The following LOXL3 variants were observed in gnomAD, a reference collection of about 807,000 sequenced individuals.
The protein encoded by LOXL3 is lysyl oxidase homolog 3.
In LOXL3, 60 loss-of-function variants were observed where a neutral mutation model predicts 91.8. The observed-to-expected ratio is 0.65, with a 90% CI of 0.53 to 0.81. The LOEUF (loss-of-function observed/expected upper bound fraction) is 0.81. Among genes scored for constraint, LOXL3 ranks in the 30% least tolerant of loss-of-function variants. The pLI is 0.00. For missense variants in LOXL3, 874 were observed against 1,000.4 expected (o/e 0.87, Z 1.70); for synonymous variants, 355 against 387.6 (o/e 0.92, Z 0.99).
chr2:74,542,658 A>C (rs1247468947), intron 4 of LOXL3, among the ~76,000 whole-genome samples: 3 of 145,484 alleles, frequency 2.1e-5, no homozygotes, highest in Non-Finnish European at 4.5e-5. Flanking sequence ...CAGAGTCTCG[A>C]TCTGTCACTC....
chr2:74,549,866 C>T lies in LOXL3; in HGVS notation c.478-283G>A. ...AGGGAGCACTTCAAAAAGGAAATGGCTTTGAAGGAGGAGAAAGTCAGAAGG... is the reference window on the plus strand; with the variant it reads ...AGGGAGCACTTCAAAAAGGAAATGGTTTTGAAGGAGGAGAAAGTCAGAAGG... On this transcript the variant is annotated intron_variant, in intron 3 of 13. Transcript: ENST00000264094. This position sits in a 1 kb window ranked among gnomAD's most constrained non-coding sequence, Gnocchi z 5.3. 1 of 985,412 alleles carries T rather than the reference C, an allele frequency of 1.0e-6. No homozygotes were observed. Among genetic ancestry groups the T allele is most frequent in the Middle Eastern group, 5.2e-4 (1 of 1,914 alleles). The allele number at this position is 985,412 out of a possible 1,614,324, so 61.0% of individuals were successfully genotyped here. A position where few individuals can be genotyped will look rare whatever the true frequency, so the allele number is the denominator to read the frequency against.
chr2:74,543,247 G>T (rs967548150), intron 4 of LOXL3, among the ~76,000 whole-genome samples: 1 of 152,074 alleles, frequency 6.6e-6, no homozygotes, highest in African/African-American at 2.4e-5. Flanking sequence ...CCCCTATCTG[G>T]TCATTAAAAT....
chr2:74,538,672 G>A (rs1042824161), intron 4 of LOXL3, among the ~76,000 whole-genome samples: 4 of 152,154 alleles, frequency 2.6e-5, no homozygotes, highest in African/African-American at 7.2e-5. Context: ...CAAAGGGGAC[G>A]CTGAGTTTCC....
At chr2:74,537,647 TGTAA>T (rs1004559090) in intron 4 of LOXL3, among the ~76,000 whole-genome samples, 36 of 152,342 alleles carry the variant, frequency 2.4e-4, no homozygotes, top group African/African-American at 8.7e-4. Context: ...ACCTGTGCTG[TGTAA>T]GTCTTTAAAA....
At position 74,535,909 on chromosome 2, in the gene LOXL3, T is replaced by C; in HGVS notation, c.1248+87A>G. ...GCAGGAGGGCAGGGGCCTGGGGCAA[T>C]GGGCTGGGGGCCATTGGACTGTAGA... is the stretch of plus-strand genomic sequence containing the variant. On this transcript the variant is annotated intron_variant, in intron 7 of 13. Transcript: ENST00000264094. This position sits in a 1 kb window ranked among gnomAD's most constrained non-coding sequence, Gnocchi z 4.2. 6.7e-7 allele frequency: 1 copy of C among 1,495,548 alleles called. No homozygotes were observed. Among genetic ancestry groups the C allele is most frequent in the Non-Finnish European group, 8.9e-7 (1 of 1,124,084 alleles). The allele number at this position is 1,495,548 out of a possible 1,614,324, so 92.6% of individuals were successfully genotyped here. A position where few individuals can be genotyped will look rare whatever the true frequency, so the allele number is the denominator to read the frequency against.
At position 74,549,394 on chromosome 2, in the gene LOXL3, T is replaced by G; in HGVS notation, c.667A>C (p.Lys223Gln). The change falls in exon 4 of 14, where the codon AAG becomes CAG. Residue 223 changes from lysine to glutamine, a missense_variant. Physicochemically the swap from Lys to Gln is moderately conservative, Grantham distance 53. Transcript: ENST00000264094. This position sits in a 1 kb window ranked among gnomAD's most constrained non-coding sequence, Gnocchi z 5.3. ...CTGTAGAAGGCCGCGTTGACCCTCT[T>G]TTCGCTGGGGAAGCCCAGCATCCCG... ...VCGMLGFPSEKRVNAAFYRLL... is the reference protein window; with the variant it reads ...VCGMLGFPSEQRVNAAFYRLL... The G allele has an allele frequency of 6.2e-7, 1 of 1,610,142 alleles. No homozygotes were observed. The highest frequency in any genetic ancestry group is 2.2e-5 in the East Asian group (1 of 44,694).
chr2:74,534,247 T>G lies in LOXL3; in HGVS notation c.1940-11A>C, dbSNP rs1558616731. 6.2e-7 allele frequency: 1 copy of G among 1,614,230 alleles called. No homozygotes were observed. Among genetic ancestry groups the G allele is most frequent in the East Asian group, 2.2e-5 (1 of 44,892 alleles). ...ACCGCTTGGAGACATCTGGAGGGAT[T>G]GGCATATGTCAGTGTAAGGAAAGGC... On this transcript the variant is annotated splice_polypyrimidine_tract_variant and intron_variant, in intron 11 of 13. Transcript: ENST00000264094.
chr2:74,539,176 CA>C (rs1676180013), intron 4 of LOXL3, among the ~76,000 whole-genome samples: 1 of 152,030 alleles, frequency 6.6e-6, no homozygotes, highest in Non-Finnish European at 1.5e-5. Context: ...GATTGGTCCG[CA>C]AAAAGGAGAA....
At chr2:74,538,669 G>A (rs947128308) in intron 4 of LOXL3, among the ~76,000 whole-genome samples, 10 of 152,204 alleles carry the variant, frequency 6.6e-5, no homozygotes, top group Non-Finnish European at 1.5e-4. Flanking sequence ...TTCCAAAGGG[G>A]ACGCTGAGTT....
chr2:74,552,155 A>C (rs544956346), intron 2 of LOXL3, among the ~76,000 whole-genome samples, 167 bp downstream of exon 2: 167 of 152,300 alleles, frequency 1.1e-3, no homozygotes, highest in Middle Eastern at 3.4e-3. Flanking sequence ...AAGGTCACAC[A>C]GCTCTGGGAA....
Position 74,551,214 on chromosome 2 carries a change from G to A in LOXL3, c.314-866C>T, listed in dbSNP as rs544121221. Among the ~76,000 whole-genome samples the A allele has an allele frequency of 1.3e-3, 202 of 152,370 alleles. 1 individual carries two copies. In the South Asian group the frequency reaches 0.033, roughly 25 times the overall value. ...CTCCCAAAGTGCTGGGATTATAGGC[G>A]TGAGCCACTGAGCCCGGCCTGAACC... On this transcript the variant is annotated intron_variant, in intron 2 of 13. Transcript: ENST00000264094.
In LOXL3 at chr2:74,536,186, T is replaced by C. The variant is rs778701953; in HGVS notation, c.1094-36A>G. 1.2e-6 allele frequency: 2 copies of C among 1,612,332 alleles called. No homozygotes were observed. The highest frequency in any genetic ancestry group is 1.7e-6 in the Non-Finnish European group (2 of 1,179,930). ...ATGGCAAAGATCAGGAAGTTGTAATTAAGCATATATTGTCTGCCCAGGGGA... is the reference window on the plus strand; with the variant it reads ...ATGGCAAAGATCAGGAAGTTGTAATCAAGCATATATTGTCTGCCCAGGGGA... On this transcript the variant is annotated intron_variant, in intron 6 of 13. Transcript: ENST00000264094. The surrounding 1 kb of genome is among the most constrained non-coding windows in gnomAD (Gnocchi z 4.5).
At chr2:74,534,056 C>T (rs754153697) in intron 12 of LOXL3, 44 bp downstream of exon 12, 30 of 1,612,122 alleles carry the variant, frequency 1.9e-5, no homozygotes, top group Non-Finnish European at 2.4e-5. Flanking sequence ...GTGTCTTTAA[C>T]GCTCCCCCCA....
intron 4 of LOXL3, among the ~76,000 whole-genome samples, chr2:74,548,353 G>A (rs1178425603): frequency 6.6e-6 from 1 of 152,176 alleles, no homozygotes; most frequent in Non-Finnish European, 1.5e-5. Context: ...GGAAGCATAG[G>A]GAAGACCTGA....
Position 74,551,959 on chromosome 2 carries a change from T to C in LOXL3, c.313+363A>G, listed in dbSNP as rs184668734. Among the ~76,000 whole-genome samples, 4 of 152,386 alleles carry C rather than the reference T, an allele frequency of 2.6e-5. No homozygotes were observed. In the East Asian group the frequency reaches 7.7e-4, roughly 29 times the overall value. ...CTTGTGACTTTGGGACATCCAGATA[T>C]CATTTACCTGCTCTTAGCGTCCCAT... On this transcript the variant is annotated intron_variant, in intron 2 of 13. Coordinates refer to ENST00000264094, the MANE Select transcript of LOXL3 (RefSeq NM_032603.5).
chr2:74,542,657 G>T (rs1363054260), intron 4 of LOXL3, among the ~76,000 whole-genome samples: 2 of 143,306 alleles, frequency 1.4e-5, no homozygotes, highest in Admixed American at 7.1e-5. Context: ...ACAGAGTCTC[G>T]ATCTGTCACT....
At chr2:74,550,082 T>C (rs1676903709) in intron 3 of LOXL3, 103 bp downstream of exon 3, 2 of 1,485,632 alleles carry the variant, frequency 1.3e-6, no homozygotes, top group African/African-American at 2.8e-5. Flanking sequence ...CCAATCCAAA[T>C]GATCCCCCAG....
At chr2:74,555,046 T>C, upstream of LOXL3, 3 of 1,450,588 alleles carry the variant, frequency 2.1e-6, no homozygotes, top group Middle Eastern at 4.8e-4. The surrounding 1 kb of genome is among the most constrained non-coding windows in gnomAD (Gnocchi z 6.1). Context: ...CAACCCCGTT[T>C]GGAAGCCCCA....
intron 4 of LOXL3, among the ~76,000 whole-genome samples, chr2:74,548,282 A>G (rs780127093): frequency 2.0e-5 from 3 of 152,246 alleles, no homozygotes; most frequent in African/African-American, 4.8e-5. Flanking sequence ...TTATGTATCA[A>G]AACAAATGTA....
Sources: gnomAD v4.1 joint callset for allele counts (sites outside exome capture counted in the v4.1 genomes callset) on GRCh38, gnomAD v4.1.1 for gene constraint, Gnocchi (gnomAD v3.1) non-coding constraint, MANE v1.5 for transcripts, NCBI Gene and HGNC (gene_info 2026-07-23, HGNC 2026-07-21) for gene names.